Variants in TMEM232 observed in about 807,000 individuals in gnomAD.
TMEM232 encodes transmembrane protein 232.
TMEM232 carries 80 observed loss-of-function variants against 78.8 expected under a neutral mutation model. The observed-to-expected ratio is 1.01, with a 90% CI of 0.85 to 1.22. The LOEUF (loss-of-function observed/expected upper bound fraction) is 1.22. TMEM232 is among the 50% of genes most tolerant of loss of function. TMEM232 has a pLI of 0.00. For synonymous variants in TMEM232, 297 were observed against 254.3 expected (o/e 1.17, Z -1.60); for missense variants, 881 against 742.2 (o/e 1.19, Z -2.17).
At chr5:110,574,329 G>A (rs994708104) in intron 10 of TMEM232, among the ~76,000 whole-genome samples, 1 of 152,072 alleles carries the variant, frequency 6.6e-6, no homozygotes, top group Non-Finnish European at 1.5e-5. Context: ...ACTCTTTGAA[G>A]TAATCTAGAA....
intron 1 of TMEM232, among the ~76,000 whole-genome samples, chr5:110,724,975 A>G (rs1458435006): frequency 6.6e-6 from 1 of 152,202 alleles, no homozygotes; most frequent in African/African-American, 2.4e-5. Context: ...AATAGGAATA[A>G]AATAATTTAC....
At chr5:110,656,802 C>A (rs1330784937) in intron 2 of TMEM232, among the ~76,000 whole-genome samples, 2 of 150,770 alleles carry the variant, frequency 1.3e-5, no homozygotes, top group Admixed American at 6.6e-5. Flanking sequence ...TGCACCACTG[C>A]ACTCCAGCCT....
chr5:110,645,106 A>T (rs1423523576), intron 2 of TMEM232, among the ~76,000 whole-genome samples: 1 of 151,690 alleles, frequency 6.6e-6, no homozygotes, highest in Non-Finnish European at 1.5e-5. Context: ...CAACAAAGAA[A>T]AGCCCAGGAC....
At chr5:110,641,901 A>T (rs2150019943) in intron 3 of TMEM232, among the ~76,000 whole-genome samples, 1 of 152,318 alleles carries the variant, frequency 6.6e-6, no homozygotes, top group East Asian at 1.9e-4. Flanking sequence ...CAGAGAAAGA[A>T]CAGAGTACTT....
chr5:110,738,433 A>G (rs1012541150), upstream of TMEM232, among the ~76,000 whole-genome samples: 2 of 152,212 alleles, frequency 1.3e-5, no homozygotes, highest in African/African-American at 4.8e-5. Flanking sequence ...CCAGGAGGAC[A>G]GTATTCGAGT....
chr5:110,441,807 A>G (rs1759073236), intron 12 of TMEM232, among the ~76,000 whole-genome samples: 1 of 152,168 alleles, frequency 6.6e-6, no homozygotes, highest in African/African-American at 2.4e-5. Flanking sequence ...ATAACTAACT[A>G]AATAACCACC....
chr5:110,667,431 A>G (rs1580584346), intron 1 of TMEM232, 67 bp from the exon 2 acceptor site: 1 of 1,259,744 alleles, frequency 7.9e-7, no homozygotes, highest in East Asian at 2.9e-5. Context: ...CATGTTATGC[A>G]AATTCATTAT....
At chr5:110,628,051 A>C (rs78413834) in intron 5 of TMEM232, among the ~76,000 whole-genome samples, 171 bp from the exon 6 acceptor site, 1,652 of 152,194 alleles carry the variant, frequency 0.011, 22 homozygotes, top group Non-Finnish European at 0.014. Flanking sequence ...ATCAAGATTG[A>C]AATGCTAGTT....
chr5:110,609,375 A>T (rs549277020), intron 8 of TMEM232, among the ~76,000 whole-genome samples: 21 of 152,122 alleles, frequency 1.4e-4, no homozygotes, highest in Non-Finnish European at 2.6e-4. Context: ...CCCCAAAAAA[A>T]GTAAAAGAAA....
At chr5:110,479,428 G>A (rs1763618198) in intron 12 of TMEM232, among the ~76,000 whole-genome samples, 1 of 151,612 alleles carries the variant, frequency 6.6e-6, no homozygotes, top group East Asian at 1.9e-4. Flanking sequence ...CAAAATAACA[G>A]AAAGCCCTTC....
chr5:110,729,954 G>A (rs530627085), upstream of TMEM232, among the ~76,000 whole-genome samples: 1 of 152,236 alleles, frequency 6.6e-6, no homozygotes, highest in East Asian at 1.9e-4. Flanking sequence ...GTTCTCTCAG[G>A]ATAACTTAGA....
chr5:110,656,838 TA>T (rs1301001343), intron 2 of TMEM232, among the ~76,000 whole-genome samples: 214 of 131,366 alleles, frequency 1.6e-3, no homozygotes, highest in Middle Eastern at 4.4e-3. Context: ...ACTCCATCTC[TA>T]AAAAAAAAAA....
chr5:110,617,401 C>A (rs1162224034), intron 8 of TMEM232, among the ~76,000 whole-genome samples: 1 of 151,870 alleles, frequency 6.6e-6, no homozygotes, highest in Non-Finnish European at 1.5e-5. Context: ...TTTGAAATTG[C>A]TAATAGAGTA....
chr5:110,728,444 A>C (rs1798363831), upstream of TMEM232, among the ~76,000 whole-genome samples: 1 of 151,872 alleles, frequency 6.6e-6, no homozygotes, highest in South Asian at 2.1e-4. Context: ...CTCATACCAT[A>C]GCAACAATAA....
chr5:110,672,969 T>C (rs992333472), intron 1 of TMEM232, among the ~76,000 whole-genome samples: 5 of 152,042 alleles, frequency 3.3e-5, no homozygotes, highest in South Asian at 2.1e-4. Flanking sequence ...ACCCAAAGGA[T>C]TGTAAATCAT....
At position 110,648,638 on chromosome 5, in the gene TMEM232, G is replaced by T. The variant is rs541088577; in HGVS notation, c.126-6267C>A. ...TTCCCCTAAAAAAATAGCAAAAGTG[G>T]ATGTCAGCTGTGTTACTGGGACCAC... On this transcript the variant is annotated intron_variant, in intron 2 of 13. Coordinates refer to ENST00000455884, the MANE Select transcript of TMEM232 (RefSeq NM_001039763.4). Among the ~76,000 whole-genome samples the T allele has an allele frequency of 2.6e-5, 4 of 152,126 alleles. No homozygotes were observed. In the East Asian group the frequency reaches 5.8e-4, roughly 22 times the overall value.
At chr5:110,700,222 G>T (rs1038596195) in intron 1 of TMEM232, among the ~76,000 whole-genome samples, 3 of 152,006 alleles carry the variant, frequency 2.0e-5, no homozygotes, top group African/African-American at 7.2e-5. Context: ...AACTATGCTA[G>T]ACTATTATAT....
intron 2 of TMEM232, among the ~76,000 whole-genome samples, chr5:110,658,554 A>G (rs1384099646): frequency 2.0e-5 from 3 of 152,166 alleles, no homozygotes; most frequent in Non-Finnish European, 4.4e-5. Context: ...TATTTTCAAG[A>G]ATAAAAACCT....
At chr5:110,438,440 A>G (rs1364786542) in intron 12 of TMEM232, among the ~76,000 whole-genome samples, 1 of 151,740 alleles carries the variant, frequency 6.6e-6, no homozygotes, top group African/African-American at 2.4e-5. Context: ...GAGTGCAGAG[A>G]TTACTAACAA....
Sources: gnomAD v4.1 joint callset for allele counts (sites outside exome capture counted in the v4.1 genomes callset) on GRCh38, gnomAD v4.1.1 for gene constraint, MANE v1.5 for transcripts, NCBI Gene and HGNC (gene_info 2026-07-23, HGNC 2026-07-21) for gene names.